Variants in SMAD2 observed in about 807,000 individuals in gnomAD.
SMAD2 encodes the protein SMAD family member 2.
Under a neutral mutation model 64.4 loss-of-function variants are expected in SMAD2, and 8 were observed. That is an observed-to-expected ratio of 0.12 (90% CI 0.07 to 0.22). SMAD2 has a LOEUF of 0.22. Ranked by LOEUF, SMAD2 falls within the 10% of genes least tolerant of loss-of-function variation. The pLI is 1.00. For synonymous variants in SMAD2, 203 were observed against 195.8 expected (o/e 1.04, Z -0.31); for missense variants, 289 against 561.2 (o/e 0.51, Z 4.90).
At chr18:47,852,956 T>A (rs542524796) in intron 6 of SMAD2, among the ~76,000 whole-genome samples, 1 of 152,284 alleles carries the variant, frequency 6.6e-6, no homozygotes, top group Non-Finnish European at 1.5e-5. Context: ...TTTATGATCA[T>A]CATTCTCTAC....
rs933537800 is a variant in SMAD2 at position 47,888,689 on chromosome 18, G to A, written c.236+7832C>T. ...AAGGGGAGCTTCTCTCTATCTACCT[G>A]GTAAAGGTAGGAAAGGTCAAATACT... On this transcript the variant is annotated intron_variant, in intron 2 of 10. Coordinates refer to ENST00000262160, the MANE Select transcript of SMAD2 (RefSeq NM_005901.6). Among the ~76,000 whole-genome samples, 80 of 152,080 alleles carry A rather than the reference G, an allele frequency of 5.3e-4. 1 individual carries two copies. Among genetic ancestry groups the A allele is most frequent in the Non-Finnish European group, 2.6e-4 (18 of 68,028 alleles).
chr18:47,899,087 A>G (rs899579473), intron 1 of SMAD2, among the ~76,000 whole-genome samples: 1 of 152,174 alleles, frequency 6.6e-6, no homozygotes, highest in Non-Finnish European at 1.5e-5. Context: ...GAGAATTGCA[A>G]TACACAAAAG....
At chr18:47,882,223 T>C (rs2032648377) in intron 2 of SMAD2, 2 of 151,142 alleles carry the variant, frequency 1.3e-5, no homozygotes, top group East Asian at 3.9e-4. Flanking sequence ...GGGGACAAGG[T>C]CCCAATGTCT....
intron 1 of SMAD2, among the ~76,000 whole-genome samples, chr18:47,905,427 C>A (rs1448213799): frequency 4.0e-5 from 6 of 150,976 alleles, no homozygotes. Context: ...CAGAGTTAAG[C>A]AATTCATATG....
chr18:47,894,370 G>T (rs756145711), intron 2 of SMAD2, among the ~76,000 whole-genome samples: 2 of 152,118 alleles, frequency 1.3e-5, no homozygotes, highest in African/African-American at 4.8e-5. Context: ...CAGACCCTAC[G>T]GCACTTAAAC....
At chr18:47,859,156 T>C (rs990555996) in intron 6 of SMAD2, among the ~76,000 whole-genome samples, 2 of 152,178 alleles carry the variant, frequency 1.3e-5, no homozygotes, top group Admixed American at 6.5e-5. Context: ...TAATTCCAAA[T>C]GTGTATCATC....
rs962503704 is a variant in SMAD2 at position 47,832,085 on chromosome 18, G to A, written c.*9742C>T. ...TGATGCCTGCTTCCTGCACTAAGAG[G>A]CTTTCAATCTATTTTGAAGAGGGAA... On this transcript the variant is annotated 3_prime_UTR_variant, in exon 11 of 11. Coordinates refer to ENST00000262160, the MANE Select transcript of SMAD2 (RefSeq NM_005901.6). 1 of 152,182 alleles carries A rather than the reference G, an allele frequency of 6.6e-6. No individual in the cohort carries two copies. The highest frequency in any genetic ancestry group is 6.5e-5 in the Admixed American group (1 of 15,286). 9.4% of individuals were successfully genotyped at this position (152,182 alleles called of 1,614,324 possible). A position where few individuals can be genotyped will look rare whatever the true frequency, so the allele number is the denominator to read the frequency against.
intron 6 of SMAD2, among the ~76,000 whole-genome samples, chr18:47,855,554 A>G (rs565953666): frequency 2.0e-5 from 3 of 152,226 alleles, no homozygotes; most frequent in Admixed American, 6.5e-5. Flanking sequence ...TTTGTCTGAA[A>G]AATTTTTTAT....
intron 1 of SMAD2, among the ~76,000 whole-genome samples, chr18:47,917,018 A>G (rs575955290): frequency 2.0e-5 from 3 of 151,964 alleles, no homozygotes; most frequent in South Asian, 4.2e-4. Flanking sequence ...TCTCGCTGAC[A>G]CTATTTTTGT....
chr18:47,860,970 A>C (rs1042836923), intron 6 of SMAD2, among the ~76,000 whole-genome samples: 1 of 152,186 alleles, frequency 6.6e-6, no homozygotes, highest in Non-Finnish European at 1.5e-5. Context: ...AATCAGAACA[A>C]TGCAAAAATG....
intron 2 of SMAD2, among the ~76,000 whole-genome samples, chr18:47,883,062 A>C (rs1438893197): frequency 6.6e-6 from 1 of 151,984 alleles, no homozygotes; most frequent in East Asian, 1.9e-4. Context: ...TGGCTTTCTG[A>C]TTTCTACTCT....
chr18:47,813,902 T>G lies in SMAD2; in HGVS notation c.*27925A>C, dbSNP rs1174604246. Reference sequence around the variant, plus strand: ...AAAGGTAGGCATAGATAGGCCTAATTATGATGAATGCTCTCTTACCAGTAT... The same window carrying G: ...AAAGGTAGGCATAGATAGGCCTAATGATGATGAATGCTCTCTTACCAGTAT... On this transcript the variant is annotated 3_prime_UTR_variant, in exon 11 of 11. Transcript: ENST00000262160. 2.4e-4 allele frequency: 37 copies of G among 152,034 alleles called. 1 individual carries two copies. The allele number at this position is 152,034 out of a possible 1,614,324, so 9.4% of individuals were successfully genotyped here.
At chr18:47,928,007 G>T (rs1286651511) in intron 1 of SMAD2, among the ~76,000 whole-genome samples, 1 of 152,114 alleles carries the variant, frequency 6.6e-6, no homozygotes. Flanking sequence ...GGAATACTTA[G>T]GGGAAAACAT....
intron 1 of SMAD2, among the ~76,000 whole-genome samples, chr18:47,914,754 A>AG (rs1316479912): frequency 1.3e-5 from 2 of 152,132 alleles, no homozygotes; most frequent in African/African-American, 4.8e-5. Flanking sequence ...ACTGCTTTCT[A>AG]GTTAGTCTTG....
At chr18:47,863,681 T>C (rs892158002) in intron 6 of SMAD2, among the ~76,000 whole-genome samples, 4 of 152,204 alleles carry the variant, frequency 2.6e-5, no homozygotes, top group African/African-American at 9.6e-5. Flanking sequence ...CCTCATTTTA[T>C]TCATCCATTC....
intron 6 of SMAD2, among the ~76,000 whole-genome samples, chr18:47,855,396 C>T (rs956300589): frequency 1.3e-5 from 2 of 152,112 alleles, no homozygotes; most frequent in Non-Finnish European, 2.9e-5. Flanking sequence ...ACTGCTAAAC[C>T]ATATGGTAAG....
chr18:47,826,828 T>C lies in SMAD2; in HGVS notation c.*14999A>G, dbSNP rs1912772641. The stretch of plus-strand genomic sequence containing the variant: ...CTTCAGAGTAACCTTTGCCTGGTAT[T>C]CTAGACTGTGCAGATTTAGCCATCT... On this transcript the variant is annotated 3_prime_UTR_variant, in exon 11 of 11. Coordinates refer to ENST00000262160, the MANE Select transcript of SMAD2 (RefSeq NM_005901.6). The C allele has an allele frequency of 6.6e-6, 1 of 152,180 alleles. No individual in the cohort carries two copies. The highest frequency in any genetic ancestry group is 1.5e-5 in the Non-Finnish European group (1 of 68,024). The allele number at this position is 152,180 out of a possible 1,614,324, so 9.4% of individuals were successfully genotyped here. A position where few individuals can be genotyped will look rare whatever the true frequency, so the allele number is the denominator to read the frequency against.
Position 47,817,690 on chromosome 18 carries a change from G to A in SMAD2, c.*24137C>T, listed in dbSNP as rs1912417515. On this transcript the variant is annotated 3_prime_UTR_variant, in exon 11 of 11. Transcript: ENST00000262160. ...ATTATTTTTTAATCTGCATGACTGG[G>A]TTAACACTTTTGGGAACACTGATTT... The A allele has an allele frequency of 6.6e-6, 1 of 152,248 alleles. No homozygotes were observed. Among genetic ancestry groups the A allele is most frequent in the Non-Finnish European group, 1.5e-5 (1 of 68,030 alleles). The allele number at this position is 152,248 out of a possible 1,614,324, so 9.4% of individuals were successfully genotyped here.
At chr18:47,866,455 C>G (rs899587338) in intron 5 of SMAD2, among the ~76,000 whole-genome samples, 1 of 151,790 alleles carries the variant, frequency 6.6e-6, no homozygotes, top group African/African-American at 2.4e-5. Context: ...GTCAGTACCC[C>G]CAAATTTTTA....
Sources: gnomAD v4.1 joint callset for allele counts (sites outside exome capture counted in the v4.1 genomes callset) on GRCh38, gnomAD v4.1.1 for gene constraint, MANE v1.5 for transcripts, NCBI Gene and HGNC (gene_info 2026-07-23, HGNC 2026-07-21) for gene names.